PRPSAP1: variants seen among roughly 807,000 people sequenced by gnomAD.
The protein encoded by PRPSAP1 is phosphoribosyl pyrophosphate synthase-associated protein 1.
A neutral mutation model predicts 39.4 loss-of-function variants in PRPSAP1; 31 were observed. That is an observed-to-expected ratio of 0.79 (90% CI 0.59 to 1.06). The LOEUF (loss-of-function observed/expected upper bound fraction) is 1.06. PRPSAP1 is among the 50% of genes least tolerant of loss of function. PRPSAP1 has a pLI of 0.00. For missense variants in PRPSAP1, 430 were observed against 511.6 expected (o/e 0.84, Z 1.54); for synonymous variants, 212 against 192.6 (o/e 1.10, Z -0.83).
intron 1 of PRPSAP1, chr17:76,353,284 A>G (rs1481430695): frequency 6.3e-6 from 3 of 474,446 alleles, no homozygotes; most frequent in African/African-American, 4.1e-5. Context: ...GACGAAAGGC[A>G]GGCAGGCCGC....
intron 1 of PRPSAP1, among the ~76,000 whole-genome samples, chr17:76,350,298 G>A (rs1430913291): frequency 1.3e-5 from 2 of 151,940 alleles, no homozygotes; most frequent in African/African-American, 4.8e-5. Context: ...AATTAGCCGG[G>A]CGTGGTGGAG....
At chr17:76,327,063 T>G (rs562140873) in intron 7 of PRPSAP1, among the ~76,000 whole-genome samples, 4 of 152,182 alleles carry the variant, frequency 2.6e-5, no homozygotes, top group African/African-American at 9.7e-5. Flanking sequence ...AAATGCAGAT[T>G]ACGGCTTGGC....
intron 8 of PRPSAP1, 144 bp from the exon 9 acceptor site, chr17:76,313,160 C>T (rs549295224): frequency 1.5e-5 from 16 of 1,099,398 alleles, no homozygotes; most frequent in African/African-American, 3.2e-5. Context: ...GGTCAAAGAA[C>T]GAGCATCCAG....
rs115104143 is a variant in PRPSAP1, at chr17:76,347,606, C to T, written c.223+923G>A. ...GACTCTGGATTTCATTTCTTACTCG[C>T]TGAAGAGTCTGGAATTTATTCTAGC... On this transcript the variant is annotated intron_variant, in intron 2 of 9. Transcript: ENST00000446526. Among the ~76,000 whole-genome samples the T allele has an allele frequency of 4.6e-3, 699 of 151,292 alleles. 7 individuals carry two copies. The highest frequency in any genetic ancestry group is 0.016 in the African/African-American group (665 of 41,200).
intron 1 of PRPSAP1, among the ~76,000 whole-genome samples, chr17:76,351,480 A>G (rs1202379819): frequency 6.6e-6 from 1 of 152,034 alleles, no homozygotes; most frequent in East Asian, 1.9e-4. Flanking sequence ...GCGCCACTGC[A>G]CTCCAGCCTG....
chr17:76,316,264 G>A (rs1401866719), intron 7 of PRPSAP1, among the ~76,000 whole-genome samples: 9 of 150,692 alleles, frequency 6.0e-5, no homozygotes, highest in Admixed American at 6.0e-4. Flanking sequence ...CTAGTTTGAT[G>A]CGGAAAACAT....
At chr17:76,323,585 G>A (rs533223556) in intron 7 of PRPSAP1, among the ~76,000 whole-genome samples, 3 of 152,280 alleles carry the variant, frequency 2.0e-5, no homozygotes, top group Non-Finnish European at 4.4e-5. Flanking sequence ...AGTAACTGCA[G>A]ATGTGGTGGA....
chr17:76,325,411 C>CAAAA (rs761293363), intron 7 of PRPSAP1, among the ~76,000 whole-genome samples: 2 of 18,884 alleles, frequency 1.1e-4, no homozygotes, highest in African/African-American at 4.5e-4. Flanking sequence ...GACTCAGTCT[C>CAAAA]AAAAAAAAAA....
chr17:76,327,178 T>C (rs1013742613), intron 7 of PRPSAP1, among the ~76,000 whole-genome samples: 3 of 150,884 alleles, frequency 2.0e-5, no homozygotes, highest in Non-Finnish European at 2.9e-5. Context: ...TAAAACCCTG[T>C]CTCTACTAAA....
chr17:76,353,483 G>A (rs753960055), intron 1 of PRPSAP1, 51 bp downstream of exon 1: 4 of 1,439,824 alleles, frequency 2.8e-6, no homozygotes, highest in South Asian at 1.4e-5. Flanking sequence ...CGGGCGCGAA[G>A]GAGAGCTAGG....
chr17:76,347,026 A>G (rs1281352372), intron 2 of PRPSAP1, among the ~76,000 whole-genome samples: 2 of 152,092 alleles, frequency 1.3e-5, no homozygotes, highest in African/African-American at 2.4e-5. Flanking sequence ...TCCGGGCCCA[A>G]TATGCCAGAG....
In PRPSAP1 at chr17:76,344,230, C is replaced by T. The variant is rs150134719; in HGVS notation, c.290+441G>A. 5.3e-3 allele frequency among the ~76,000 whole-genome samples: 812 copies of T among 152,308 alleles called. 1 individual carries two copies. Among genetic ancestry groups the T allele is most frequent in the Non-Finnish European group, 8.6e-3 (587 of 68,036 alleles). On this transcript the variant is annotated intron_variant, in intron 3 of 9. Transcript: ENST00000446526. ...GCAAGCTCTGCCTCCTGGGTTCACGCCTTTCTCCTATCTCAGCCTCCTAAG... is the reference window on the plus strand; with the variant it reads ...GCAAGCTCTGCCTCCTGGGTTCACGTCTTTCTCCTATCTCAGCCTCCTAAG...
intron 4 of PRPSAP1, 59 bp downstream of exon 4, chr17:76,332,204 A>G (rs1326034416): frequency 6.4e-7 from 1 of 1,572,876 alleles, no homozygotes; most frequent in Non-Finnish European, 8.7e-7. Context: ...AGCTAAGTCC[A>G]ACTAGGAAAG....
At chr17:76,319,452 T>C (rs1030565169) in intron 7 of PRPSAP1, 6 of 152,038 alleles carry the variant, frequency 3.9e-5, no homozygotes, top group African/African-American at 1.5e-4. Context: ...AATCCAGCAC[T>C]GCTAAATCTG....
rs113544449 is a variant in PRPSAP1 at position 76,311,150 on chromosome 17, C to T, written c.*392G>A. 1,461 of 156,660 alleles carry T rather than the reference C, an allele frequency of 9.3e-3. 16 individuals carry two copies. Among genetic ancestry groups the T allele is most frequent in the Middle Eastern group, 0.029 (9 of 314 alleles). 9.7% of individuals were successfully genotyped at this position (156,660 alleles called of 1,614,324 possible). A position where few individuals can be genotyped will look rare whatever the true frequency, so the allele number is the denominator to read the frequency against. On this transcript the variant is annotated 3_prime_UTR_variant, in exon 10 of 10. Coordinates refer to ENST00000446526, the MANE Select transcript of PRPSAP1 (RefSeq NM_002766.3). The stretch of plus-strand genomic sequence containing the variant: ...AACTGGATAGTAATAGGGCCACAGG[C>T]GCTCAGCTTCCCTAACCAGGTTCAA...
At chr17:76,321,353 A>G (rs1231641501) in intron 7 of PRPSAP1, among the ~76,000 whole-genome samples, 2 of 151,912 alleles carry the variant, frequency 1.3e-5, no homozygotes, top group East Asian at 1.9e-4. Context: ...TCAGGAGTTC[A>G]AGACCAGCCT....
chr17:76,329,309 C>T (rs1198877165), intron 6 of PRPSAP1, among the ~76,000 whole-genome samples: 2 of 152,148 alleles, frequency 1.3e-5, no homozygotes, highest in African/African-American at 4.8e-5. Context: ...AAGCGATCTC[C>T]CGCTTTGGCC....
At position 76,319,814 on chromosome 17, in the gene PRPSAP1, GA is replaced by G; in HGVS notation, c.782-5924del. Among the ~76,000 whole-genome samples, 4 of 152,234 alleles carry G rather than the reference GA, an allele frequency of 2.6e-5. No individual in the cohort carries two copies. In the Middle Eastern group the frequency reaches 0.01, roughly 388 times the overall value. ...ACTAAAGGTATAAGGGCTCCTTGGA[GA>G]AATGGCCAAGTACAGTGCTAAGAAA... On this transcript the variant is annotated intron_variant, in intron 7 of 9. Transcript: ENST00000446526.
chr17:76,330,541 G>C lies in PRPSAP1; in HGVS notation c.579+10C>G. ...TGAGGACAATGGGGTGTTTGCTGGT[G>C]GTTCCTCACTTCTTCCTGGATATAC... is the stretch of plus-strand genomic sequence containing the variant. On this transcript the variant is annotated intron_variant, in intron 5 of 9. Transcript: ENST00000446526. The C allele has an allele frequency of 6.4e-7, 1 of 1,551,546 alleles. No homozygotes were observed.
Sources: allele counts gnomAD v4.1 joint callset (sites outside exome capture counted in the v4.1 genomes callset), GRCh38; gene constraint gnomAD v4.1.1; transcripts MANE v1.5; gene names NCBI Gene and HGNC (gene_info 2026-07-23, HGNC 2026-07-21).